The following DOCK9 variants were observed in gnomAD, a reference collection of about 807,000 sequenced individuals.
DOCK9 encodes the protein dedicator of cytokinesis protein 9.
Under a neutral mutation model 263.3 loss-of-function variants are expected in DOCK9, and 89 were observed. The ratio of observed to expected loss-of-function variants is 0.34; its 90% CI spans 0.28 to 0.40. The LOEUF (loss-of-function observed/expected upper bound fraction) is 0.40, where lower values mean the gene tolerates loss of function less well. Ranked by LOEUF, DOCK9 falls within the 10% of genes least tolerant of loss-of-function variation. DOCK9 has a pLI of 1.00. For synonymous variants in DOCK9, 976 were observed against 973.1 expected, an observed-to-expected ratio of 1.00 and a Z score of -0.06; for missense variants, 2,140 against 2,603.4, an observed-to-expected ratio of 0.82 and a Z score of 3.87.
rs562492729 is a variant in DOCK9, at chr13:98,846,240, C to A, written c.4062-180G>T. 2.8e-3 allele frequency among the ~76,000 whole-genome samples: 431 copies of A among 152,188 alleles called. 1 individual carries two copies. The highest frequency in any genetic ancestry group is 4.6e-3 in the Non-Finnish European group (313 of 68,004). On this transcript the variant is annotated intron_variant, in intron 37 of 52. Transcript: ENST00000682017. ...CTCCTGCACACTTCACGGCAAAGCA[C>A]CTGATGATCCAGAAGCAAAAATCAG...
chr13:99,084,682 T>C (rs1229563531), intron 1 of DOCK9, among the ~76,000 whole-genome samples: 1 of 152,208 alleles, frequency 6.6e-6, no homozygotes, highest in African/African-American at 2.4e-5. Flanking sequence ...ATTAAACCAG[T>C]ACCTGCAGCA....
chr13:98,887,959 T>C (rs1192703174), intron 18 of DOCK9, among the ~76,000 whole-genome samples, 199 bp downstream of exon 18: 1 of 152,106 alleles, frequency 6.6e-6, no homozygotes, highest in Non-Finnish European at 1.5e-5. Context: ...TAAAAAACAG[T>C]CAATTAGGAG....
At chr13:98,928,433 T>C (rs769545725) in intron 3 of DOCK9, among the ~76,000 whole-genome samples, 10 of 152,220 alleles carry the variant, frequency 6.6e-5, no homozygotes, top group Non-Finnish European at 1.0e-4. Context: ...GTCCCAAAAG[T>C]GTTTAGTTAT....
At chr13:98,839,192 C>T (rs1161605469) in intron 38 of DOCK9, among the ~76,000 whole-genome samples, 5 of 152,206 alleles carry the variant, frequency 3.3e-5, no homozygotes, top group African/African-American at 7.2e-5. Flanking sequence ...GCACAGCCAA[C>T]GTCTCTCCAA....
chr13:98,883,893 C>T lies in DOCK9; in HGVS notation c.2389G>A (p.Gly797Ser). The change falls in exon 22 of 53, where the codon GGT (glycine) becomes AGT (serine). Residue 797 changes from glycine to serine, a missense_variant. Physicochemically the swap from Gly to Ser is moderately conservative, Grantham distance 56. Coordinates refer to ENST00000682017, the MANE Select transcript of DOCK9 (RefSeq NM_001366683.2). Reference sequence around the variant, plus strand: ...CCATCTACCCATTTAATTTCCGGACCATAATGCTAAAAAAAATATGGAAGA... The same window carrying T: ...CCATCTACCCATTTAATTTCCGGACTATAATGCTAAAAAAAATATGGAAGA... ...YQELGMGRHY[G>S]PEIKWVDGGK... The T allele has an allele frequency of 6.2e-7, 1 of 1,606,424 alleles. No homozygotes were observed. The highest frequency in any genetic ancestry group is 8.5e-7 in the Non-Finnish European group (1 of 1,176,942).
chr13:98,954,434 C>T (rs781731160), intron 2 of DOCK9, among the ~76,000 whole-genome samples: 3 of 152,184 alleles, frequency 2.0e-5, no homozygotes, highest in Non-Finnish European at 2.9e-5. Flanking sequence ...GCATTTAACA[C>T]CACCGGGTTT....
At chr13:98,860,689 G>T (rs1459867575) in intron 32 of DOCK9, among the ~76,000 whole-genome samples, 167 bp from the exon 33 acceptor site, 1 of 142,854 alleles carries the variant, frequency 7.0e-6, no homozygotes, top group Non-Finnish European at 1.5e-5. Flanking sequence ...TGGAGGGTGG[G>T]ATGGGTCAGA....
At chr13:98,828,020 A>G (rs777144474) in intron 43 of DOCK9, among the ~76,000 whole-genome samples, 1 of 152,156 alleles carries the variant, frequency 6.6e-6, no homozygotes, top group Non-Finnish European at 1.5e-5. Flanking sequence ...CCCTAAATTC[A>G]ACATTACTGG....
chr13:98,831,958 A>G (rs1039806841), intron 39 of DOCK9, 172 bp from the exon 40 acceptor site: 3 of 740,386 alleles, frequency 4.1e-6, no homozygotes, highest in Non-Finnish European at 6.3e-6. Context: ...GAACAAGCAA[A>G]TCTATCAATA....
In DOCK9 at chr13:98,942,239, T is replaced by G. The variant is rs1391261931; in HGVS notation, c.244-11982A>C. On this transcript the variant is annotated intron_variant, in intron 2 of 52. Coordinates refer to ENST00000682017, the MANE Select transcript of DOCK9 (RefSeq NM_001366683.2). ...GGTTATGTTTTTTTTTTTGTTGTTT[T>G]TTTTTTTTGTTTTTTTGAGACAGAG... Among the ~76,000 whole-genome samples, 43 of 147,464 alleles carry G rather than the reference T, an allele frequency of 2.9e-4. No homozygotes were observed. The South Asian group carries it at 3.2e-3, about 11-fold the overall frequency.
chr13:98,948,856 T>C (rs2057042642), intron 2 of DOCK9, among the ~76,000 whole-genome samples: 2 of 152,204 alleles, frequency 1.3e-5, no homozygotes, highest in African/African-American at 2.4e-5. Flanking sequence ...TCAGGGTCCA[T>C]CCATATTGTA....
At chr13:98,869,698 A>G (rs2094138415) in intron 27 of DOCK9, among the ~76,000 whole-genome samples, 1 of 152,270 alleles carries the variant, frequency 6.6e-6, no homozygotes, top group South Asian at 2.1e-4. Flanking sequence ...ACTGAAGAGT[A>G]ATGGTTTTAC....
intron 1 of DOCK9, among the ~76,000 whole-genome samples, chr13:99,061,267 G>A (rs2142291087): frequency 6.6e-6 from 1 of 152,272 alleles, no homozygotes; most frequent in Middle Eastern, 3.4e-3. Context: ...AATGAAGGAT[G>A]TCAAGGACTG....
intron 18 of DOCK9, among the ~76,000 whole-genome samples, 190 bp from the exon 19 acceptor site, chr13:98,886,814 C>T (rs1478071984): frequency 6.6e-6 from 1 of 152,144 alleles, no homozygotes; most frequent in Admixed American, 6.5e-5. Flanking sequence ...AGCCCATCTG[C>T]CTGCTCCCCT....
At position 98,952,971 on chromosome 13, in the gene DOCK9, C is replaced by T. The variant is rs138526053; in HGVS notation, c.243+2464G>A. Among the ~76,000 whole-genome samples the T allele has an allele frequency of 9.2e-3, 1,400 of 152,230 alleles. 10 individuals are homozygous for T. Among genetic ancestry groups the T allele is most frequent in the Admixed American group, 0.023 (355 of 15,288 alleles). On this transcript the variant is annotated intron_variant, in intron 2 of 52. Transcript: ENST00000682017. ...ACACTTTCCCCAATCTAATTTGTTC[C>T]CTCTGCCTCTAATAATACAATAATT...
intron 39 of DOCK9, chr13:98,834,557 G>A (rs548525351): frequency 6.6e-6 from 1 of 152,254 alleles, no homozygotes; most frequent in Admixed American, 6.5e-5. Flanking sequence ...TCAAGAAGAG[G>A]CACTAAAAAT....
intron 1 of DOCK9, among the ~76,000 whole-genome samples, chr13:98,992,804 T>C (rs563015620): frequency 4.6e-5 from 7 of 152,212 alleles, no homozygotes; most frequent in Admixed American, 1.3e-4. Flanking sequence ...AATGGACTAA[T>C]ACAGCAGCTG....
At chr13:98,827,489 C>A (rs1052693191) in intron 43 of DOCK9, among the ~76,000 whole-genome samples, 2 of 152,230 alleles carry the variant, frequency 1.3e-5, no homozygotes, top group Non-Finnish European at 2.9e-5. Context: ...GAACCCCCTG[C>A]AAGGTTCTAA....
chr13:98,872,619 C>T (rs2094217736), intron 27 of DOCK9, among the ~76,000 whole-genome samples: 1 of 152,114 alleles, frequency 6.6e-6, no homozygotes, highest in Non-Finnish European at 1.5e-5. Context: ...GTTGCTCAGG[C>T]TGGTCTGGAA....
Sources: allele counts gnomAD v4.1 joint callset (sites outside exome capture counted in the v4.1 genomes callset), GRCh38; gene constraint gnomAD v4.1.1; transcripts MANE v1.5; gene names NCBI Gene and HGNC (gene_info 2026-07-23, HGNC 2026-07-21).